Variants in SS18 observed in about 807,000 individuals in gnomAD.
SS18 encodes protein SSXT.
In SS18, 28 loss-of-function variants were observed where a neutral mutation model predicts 72.5. That is an observed-to-expected ratio of 0.39 (90% CI 0.29 to 0.53). SS18 has a LOEUF of 0.53. SS18 is among the 20% of genes least tolerant of loss of function. SS18 has a pLI of 0.76. For missense variants in SS18, 518 were observed against 535.3 expected (o/e 0.97, Z 0.32); for synonymous variants, 172 against 164.2 (o/e 1.05, Z -0.37).
Position 26,035,034 on chromosome 18 carries a change from T to G in SS18, c.1067A>C (p.Gln356Pro). The G allele has an allele frequency of 6.2e-7, 1 of 1,613,538 alleles. No individual in the cohort carries two copies. Among genetic ancestry groups the G allele is most frequent in the Non-Finnish European group, 8.5e-7 (1 of 1,179,626 alleles). ...PPQQQQYPGQ[Q>P]GYPGQQQGYG... ...GCCCTGCTGCTGTCCTGGGTAACCT[T>G]GCTGCCCTGGGTACTGCTGCTGCTG... The change falls in exon 9 of 11, where the codon CAA becomes CCA. Residue 356 changes from glutamine to proline, a missense_variant. By Grantham distance (76) the Gln-to-Pro change is moderately conservative (BLOSUM62 -1). Transcript: ENST00000415083. This position sits in a 1 kb window ranked among gnomAD's most constrained non-coding sequence, Gnocchi z 4.4.
intron 10 of SS18, among the ~76,000 whole-genome samples, chr18:26,021,147 C>A (rs2053342386): frequency 6.6e-6 from 1 of 152,140 alleles, no homozygotes; most frequent in Admixed American, 6.5e-5. Flanking sequence ...TATCTGCAAC[C>A]ATTAACAAAT....
At chr18:26,046,569 G>A (rs558654866) in intron 5 of SS18, among the ~76,000 whole-genome samples, 2 of 152,226 alleles carry the variant, frequency 1.3e-5, no homozygotes, top group South Asian at 4.1e-4. Flanking sequence ...CACCTGCAGT[G>A]CATATCCAGA....
At chr18:26,044,612 CCA>C (rs2053788151) in intron 5 of SS18, among the ~76,000 whole-genome samples, 1 of 151,894 alleles carries the variant, frequency 6.6e-6, no homozygotes, top group South Asian at 2.1e-4. Flanking sequence ...GCATGAGCCA[CCA>C]CACCTGGCCA....
At chr18:26,046,805 A>G (rs936460967) in intron 5 of SS18, among the ~76,000 whole-genome samples, 23 of 152,368 alleles carry the variant, frequency 1.5e-4, no homozygotes, top group African/African-American at 5.0e-4. Context: ...GCTTTGCTGT[A>G]TGTGCATGAA....
At chr18:26,027,669 T>A (rs183164021) in intron 10 of SS18, among the ~76,000 whole-genome samples, 686 of 41,420 alleles carry the variant, frequency 0.017, 4 homozygotes, top group African/African-American at 0.078. Flanking sequence ...GCGAGACTCA[T>A]CTAAAAAAAA....
At chr18:26,055,502 A>G (rs972259526) in intron 4 of SS18, among the ~76,000 whole-genome samples, 3 of 152,042 alleles carry the variant, frequency 2.0e-5, no homozygotes, top group Admixed American at 2.0e-4. Context: ...AAAAAAGGGA[A>G]CCTGAGACTG....
intron 1 of SS18, among the ~76,000 whole-genome samples, chr18:26,088,870 T>C (rs1342445429): frequency 3.3e-5 from 5 of 150,582 alleles, no homozygotes; most frequent in African/African-American, 1.3e-4. Flanking sequence ...ATCATAATCT[T>C]CACTTACTGG....
At chr18:26,039,168 CAAAAAAAAAAAAAAAAA>C (rs34318951) in intron 6 of SS18, 104 bp downstream of exon 6, 13 of 251,634 alleles carry the variant, frequency 5.2e-5, no homozygotes, top group African/African-American at 1.4e-4. Flanking sequence ...TACCTTTTGT[CAAAAAAAAAAAAAAAAA>C]AAAAAAAAAA....
rs2053946477 is a variant in SS18, at chr18:26,052,823, C to T, written c.408G>A (p.Gln136=). 1.9e-6 allele frequency: 3 copies of T among 1,614,106 alleles called. No individual in the cohort carries two copies. Among genetic ancestry groups the T allele is most frequent in the Non-Finnish European group, 2.5e-6 (3 of 1,179,982 alleles). Residue 136 remains glutamine (Q), a synonymous_variant, in exon 5 of 11, where the codon CAG becomes CAA. Transcript: ENST00000415083. ...TATTGAGTTGATTGGGTCCAGGTCC[C>T]TGCATAGGCATATGGTTAGGCCCTT... is the stretch of plus-strand genomic sequence containing the variant. ...QMPGPNHMPM[Q]GPGPNQLNMT...
chr18:26,054,102 T>G (rs1008702006), intron 4 of SS18, among the ~76,000 whole-genome samples: 2 of 152,186 alleles, frequency 1.3e-5, no homozygotes, highest in Admixed American at 6.5e-5. Context: ...CTACATTACA[T>G]GTACTGCCTA....
At chr18:26,068,385 A>G (rs2054256020) in intron 3 of SS18, 1 of 152,226 alleles carries the variant, frequency 6.6e-6, no homozygotes, top group African/African-American at 2.4e-5. Context: ...CAGGTAGAAG[A>G]CAGAAGTGAC....
intron 7 of SS18, among the ~76,000 whole-genome samples, chr18:26,038,135 A>G (rs1284987940): frequency 1.3e-5 from 2 of 152,142 alleles, no homozygotes; most frequent in Non-Finnish European, 2.9e-5. Context: ...GACTTGGAAA[A>G]ATAACTTGAG....
intron 2 of SS18, among the ~76,000 whole-genome samples, chr18:26,083,540 T>C (rs892019192): frequency 1.3e-5 from 2 of 152,222 alleles, no homozygotes; most frequent in Non-Finnish European, 2.9e-5. Context: ...TATAGCTTAT[T>C]GCTCCTAGGC....
At chr18:26,061,493 G>C (rs1221856964) in intron 3 of SS18, among the ~76,000 whole-genome samples, 1 of 152,058 alleles carries the variant, frequency 6.6e-6, no homozygotes, top group Non-Finnish European at 1.5e-5. Context: ...ATTGAACCCA[G>C]ATATATCAAA....
chr18:26,042,157 T>C (rs2053739970), intron 5 of SS18, among the ~76,000 whole-genome samples: 2 of 152,190 alleles, frequency 1.3e-5, no homozygotes, highest in South Asian at 2.1e-4. Flanking sequence ...ATATTATCTC[T>C]TGAGATACTA....
intron 2 of SS18, among the ~76,000 whole-genome samples, chr18:26,086,876 G>C (rs551889840): frequency 3.3e-5 from 5 of 152,126 alleles, no homozygotes; most frequent in African/African-American, 4.8e-5. Flanking sequence ...ATAATGCAGG[G>C]TAAGAAGTAT....
chr18:26,063,723 T>A (rs1488932635), intron 3 of SS18, among the ~76,000 whole-genome samples: 2 of 152,082 alleles, frequency 1.3e-5, no homozygotes, highest in Admixed American at 6.5e-5. Flanking sequence ...AATAACACTA[T>A]CATCCTTTAT....
At position 26,048,894 on chromosome 18, in the gene SS18, G is replaced by C. The variant is rs10438987; in HGVS notation, c.607+3730C>G. On this transcript the variant is annotated intron_variant, in intron 5 of 10. Coordinates refer to ENST00000415083, the MANE Select transcript of SS18 (RefSeq NM_001007559.3). ...TGTGTTCACCTTTTTAAAAAAGCTTGATGATTAGCCAACTGATTTTATAAA... is the reference window on the plus strand; with the variant it reads ...TGTGTTCACCTTTTTAAAAAAGCTTCATGATTAGCCAACTGATTTTATAAA... Among the ~76,000 whole-genome samples the C allele has an allele frequency of 9.8e-3, 1,498 of 152,248 alleles. 21 individuals are homozygous for C. Among genetic ancestry groups the C allele is most frequent in the African/African-American group, 0.035 (1,437 of 41,508 alleles).
At chr18:26,025,046 T>C (rs1567987178) in intron 10 of SS18, among the ~76,000 whole-genome samples, 1 of 152,120 alleles carries the variant, frequency 6.6e-6, no homozygotes, top group Non-Finnish European at 1.5e-5. Flanking sequence ...GCAAAAAATA[T>C]TGGCAGGGAT....
Sources: allele counts gnomAD v4.1 joint callset (sites outside exome capture counted in the v4.1 genomes callset), GRCh38; gene constraint gnomAD v4.1.1; non-coding constraint Gnocchi (gnomAD v3.1); transcripts MANE v1.5; gene names NCBI Gene and HGNC (gene_info 2026-07-23, HGNC 2026-07-21).